Variants in KCTD5 observed in about 807,000 individuals in gnomAD.
The protein encoded by KCTD5 is BTB/POZ domain-containing protein KCTD5.
KCTD5 carries 12 observed loss-of-function variants against 27.9 expected under a neutral mutation model. The observed-to-expected ratio is 0.43, with a 90% confidence interval of 0.28 to 0.70. The LOEUF (loss-of-function observed/expected upper bound fraction) is 0.70. Among genes scored for constraint, KCTD5 ranks in the 30% least tolerant of loss-of-function variants. The probability of loss-of-function intolerance (pLI) is 0.19; values close to 1 mark genes in which losing one functional copy is unlikely to be tolerated. For missense variants in KCTD5, 226 were observed against 274.8 expected, an observed-to-expected ratio of 0.82 and a Z score of 1.26; for synonymous variants, 147 against 121.4, an observed-to-expected ratio of 1.21 and a Z score of -1.39.
Position 2,699,898 on chromosome 16 carries a change from C to T in KCTD5, c.531C>T (p.Asp177=), listed in dbSNP as rs138979709. The change falls in exon 4 of 6, where the codon GAC becomes GAT. Residue 177 remains aspartate, a synonymous_variant. Coordinates refer to ENST00000301738, the MANE Select transcript of KCTD5 (RefSeq NM_018992.4). ...CGCAGATGGTGTCCACCATGTCCGA[C>T]GGCTGGAAGTTCGAGCAGGTGAGGG... ...ELTQMVSTMS[D]GWKFEQLVSI... The T allele has an allele frequency of 5.5e-5, 88 of 1,613,726 alleles. No individual in the cohort carries two copies. The East Asian group carries it at 5.6e-4, about 10-fold the overall frequency.
Position 2,708,150 on chromosome 16 carries a change from T to G in KCTD5, c.*823T>G, listed in dbSNP as rs775401267. ...GGGGAGCTGGCGTCTGTCAGTGCCT[T>G]GTCACGCCTGGCATAGAGGTTGGGC... is the stretch of plus-strand genomic sequence containing the variant. On this transcript the variant is annotated 3_prime_UTR_variant, in exon 6 of 6. Coordinates refer to ENST00000301738, the MANE Select transcript of KCTD5 (RefSeq NM_018992.4). 1 of 152,722 alleles carries G rather than the reference T, an allele frequency of 6.5e-6. No individual in the cohort carries two copies. The highest frequency in any genetic ancestry group is 1.5e-5 in the Non-Finnish European group (1 of 68,086). 9.5% of individuals were successfully genotyped at this position (152,722 alleles called of 1,614,324 possible).
chr16:2,686,015 G>C (rs1231186131), intron 1 of KCTD5: 2 of 148,316 alleles, frequency 1.3e-5, no homozygotes, highest in African/African-American at 4.9e-5. Context: ...TGGTAGGGAG[G>C]GGAGCTCTTG....
intron 4 of KCTD5, 116 bp downstream of exon 4, chr16:2,700,032 G>C: frequency 1.1e-6 from 1 of 934,744 alleles, no homozygotes. Flanking sequence ...TCTTCCTGCA[G>C]TTCTGGGGGT....
At chr16:2,687,023 G>T (rs1336084356) in intron 1 of KCTD5, among the ~76,000 whole-genome samples, 1 of 152,170 alleles carries the variant, frequency 6.6e-6, no homozygotes, top group Non-Finnish European at 1.5e-5. Flanking sequence ...CACGATCTTC[G>T]CTCTGACCAC....
In KCTD5 at chr16:2,699,824, C is replaced by A. The variant is rs1015503072; in HGVS notation, c.457C>A (p.Pro153Thr). Reference protein sequence around the residue: ...RERDSKTSQVPVKHVYRVLQC... With the variant: ...RERDSKTSQVTVKHVYRVLQC... ...CCTGTGCCCATTGTCCTTGCAGGTG[C>A]CTGTGAAGCATGTGTACCGTGTGCT... The change falls in exon 4 of 6, where the codon CCT becomes ACT. Residue 153 changes from proline (P) to threonine (T), a missense_variant. Around this residue, in one of 2 missense-constraint regions of KCTD5, gnomAD observed 135 missense variants for 207.0 expected, o/e 0.65. Coordinates refer to ENST00000301738, the MANE Select transcript of KCTD5 (RefSeq NM_018992.4). The A allele has an allele frequency of 3.7e-6, 6 of 1,613,278 alleles. No homozygotes were observed. Among genetic ancestry groups the A allele is most frequent in the Non-Finnish European group, 5.1e-6 (6 of 1,179,660 alleles).
chr16:2,706,166 G>A (rs949860366), intron 5 of KCTD5, among the ~76,000 whole-genome samples: 4 of 152,300 alleles, frequency 2.6e-5, no homozygotes, highest in Non-Finnish European at 2.9e-5. Context: ...AGCCTGGGGG[G>A]CACCCGCCTG....
chr16:2,705,093 G>T (rs1184481131), intron 5 of KCTD5, among the ~76,000 whole-genome samples: 3 of 152,212 alleles, frequency 2.0e-5, no homozygotes, highest in African/African-American at 7.2e-5. Context: ...GCACTGTCCT[G>T]ACAGCCTGTC....
chr16:2,688,243 A>ATATATATATATATATATATATATT (rs1282831421), intron 1 of KCTD5, among the ~76,000 whole-genome samples: 11 of 64,262 alleles, frequency 1.7e-4, no homozygotes, highest in African/African-American at 5.5e-4. Context: ...ATATATATAT[A>ATATATATATATATATATATATATT]TATTTATTTA....
intron 1 of KCTD5, among the ~76,000 whole-genome samples, chr16:2,691,168 C>T (rs191997028): frequency 4.3e-4 from 66 of 152,312 alleles, no homozygotes; most frequent in South Asian, 1.9e-3. Flanking sequence ...GGTTTAAGAC[C>T]CTGGCACTTC....
At chr16:2,701,957 C>T (rs1411892439) in intron 4 of KCTD5, among the ~76,000 whole-genome samples, 5 of 152,200 alleles carry the variant, frequency 3.3e-5, no homozygotes, top group East Asian at 3.9e-4. Context: ...CAGCGGCTTT[C>T]GGTCCAGTCA....
chr16:2,682,668 C>T lies in KCTD5; in HGVS notation c.120C>T (p.Gly40=), dbSNP rs1355882413. 1.2e-6 allele frequency: 2 copies of T among 1,603,808 alleles called. No individual in the cohort carries two copies. Among genetic ancestry groups the T allele is most frequent in the Non-Finnish European group, 1.7e-6 (2 of 1,176,394 alleles). ...AGLGALAQRP[G]SVSKWVRLNV... ...TCGGCGCCCTGGCCCAGCGCCCTGGCAGCGTGTCCAAGTGGGTCCGACTCA... is the reference window on the plus strand; with the variant it reads ...TCGGCGCCCTGGCCCAGCGCCCTGGTAGCGTGTCCAAGTGGGTCCGACTCA... Residue 40 remains glycine, a synonymous_variant, in exon 1 of 6, where the codon GGC becomes GGT. Transcript: ENST00000301738.
intron 3 of KCTD5, among the ~76,000 whole-genome samples, chr16:2,698,634 G>T (rs2067597297): frequency 6.8e-6 from 1 of 148,076 alleles, no homozygotes; most frequent in Non-Finnish European, 1.5e-5. Flanking sequence ...AAGGCACCAG[G>T]AGTGGGGTGT....
intron 5 of KCTD5, among the ~76,000 whole-genome samples, chr16:2,703,809 G>A (rs904946130): frequency 4.6e-5 from 7 of 152,134 alleles, no homozygotes; most frequent in African/African-American, 9.7e-5. Context: ...TGGGACAGCC[G>A]GGGTGGAAGC....
chr16:2,700,493 T>C (rs1387332438), intron 4 of KCTD5, among the ~76,000 whole-genome samples: 1 of 149,214 alleles, frequency 6.7e-6, no homozygotes, highest in Non-Finnish European at 1.5e-5. Context: ...TGCCATGGCA[T>C]TGTGGCTTGT....
chr16:2,689,880 T>C (rs2067557617), intron 1 of KCTD5, among the ~76,000 whole-genome samples: 1 of 152,220 alleles, frequency 6.6e-6, no homozygotes, highest in Admixed American at 6.5e-5. Context: ...TTCACCATGT[T>C]GGTCAGGCTG....
At chr16:2,688,183 T>C (rs1318602761) in intron 1 of KCTD5, among the ~76,000 whole-genome samples, 1 of 150,684 alleles carries the variant, frequency 6.6e-6, no homozygotes, top group African/African-American at 2.4e-5. Context: ...CGGTCTTCAT[T>C]TCATGTTTGT....
rs991601608 is a variant in KCTD5 at position 2,688,423 on chromosome 16, G to A, written c.252+5623G>A. On this transcript the variant is annotated intron_variant, in intron 1 of 5. Coordinates refer to ENST00000301738, the MANE Select transcript of KCTD5 (RefSeq NM_018992.4). ...GAGCCACCATGTCTGGCTGATTTTT[G>A]TATAGTCAGTAGAGAAGGGGTTTTG... Among the ~76,000 whole-genome samples the A allele has an allele frequency of 1.2e-4, 18 of 151,780 alleles. No individual in the cohort carries two copies. In the South Asian group the frequency reaches 2.1e-3, roughly 18 times the overall value.
rs1036477804 is a variant in KCTD5, at chr16:2,690,563, C to T, written c.253-5372C>T. ...CACCACGAACCTTCCTGAGATCAAG[C>T]GCAGCCTGTGCTGGTTGTGTAAGCC... On this transcript the variant is annotated intron_variant, in intron 1 of 5. Transcript: ENST00000301738. Among the ~76,000 whole-genome samples, 37 of 152,358 alleles carry T rather than the reference C, an allele frequency of 2.4e-4. No homozygotes were observed. The East Asian group carries it at 2.5e-3, about 10-fold the overall frequency.
chr16:2,684,830 C>G lies in KCTD5; in HGVS notation c.252+2030C>G, dbSNP rs1331341978. 5.9e-5 allele frequency: 9 copies of G among 151,470 alleles called. No individual in the cohort carries two copies. The East Asian group carries it at 1.7e-3, about 29-fold the overall frequency. 9.4% of individuals were successfully genotyped at this position (151,470 alleles called of 1,614,324 possible). ...GCGCGTGCCTGTAGTCCCAGCTACTCTGGAGGCTGAGGCAGAAGAATCGCT... is the reference window on the plus strand; with the variant it reads ...GCGCGTGCCTGTAGTCCCAGCTACTGTGGAGGCTGAGGCAGAAGAATCGCT... On this transcript the variant is annotated intron_variant, in intron 1 of 5. Coordinates refer to ENST00000301738, the MANE Select transcript of KCTD5 (RefSeq NM_018992.4).
Sources: gnomAD v4.1 joint callset for allele counts (sites outside exome capture counted in the v4.1 genomes callset) on GRCh38, gnomAD v4.1.1 for gene constraint, gnomAD v4.1.1 regional missense constraint, MANE v1.5 for transcripts, NCBI Gene and HGNC (gene_info 2026-07-23, HGNC 2026-07-21) for gene names.